Variants in INPP4B observed in about 807,000 individuals in gnomAD.
INPP4B encodes inositol polyphosphate-4-phosphatase type II B.
INPP4B carries 55 observed loss-of-function variants against 122.5 expected under a neutral mutation model. The observed-to-expected ratio is 0.45, with a 90% CI of 0.36 to 0.56. The LOEUF is 0.56. INPP4B is among the 20% of genes least tolerant of loss of function. The pLI, the probability that INPP4B is intolerant of heterozygous loss-of-function variation, is 0.00. For synonymous variants in INPP4B, 403 were observed against 388.7 expected (o/e 1.04, Z -0.43); for missense variants, 1,000 against 1,097.7 (o/e 0.91, Z 1.26).
intron 23 of INPP4B, among the ~76,000 whole-genome samples, chr4:142,091,388 C>T (rs952709691): frequency 2.6e-5 from 4 of 152,120 alleles, no homozygotes; most frequent in African/African-American, 4.8e-5. Context: ...TCCGGTCATG[C>T]GTCATTGACC....
intron 7 of INPP4B, among the ~76,000 whole-genome samples, chr4:142,335,963 C>T (rs6827918): frequency 0.24 from 35,810 of 151,992 alleles, 4,952 homozygotes; most frequent in East Asian, 0.45. Flanking sequence ...TGAGAACTTC[C>T]GTGGTGTCTC....
At chr4:142,542,200 C>A (rs910300586) in intron 2 of INPP4B, among the ~76,000 whole-genome samples, 1 of 152,164 alleles carries the variant, frequency 6.6e-6, no homozygotes. Flanking sequence ...CTCCTTACAT[C>A]TATTATTGGA....
At chr4:142,735,181 G>T (rs1188457418) in intron 1 of INPP4B, among the ~76,000 whole-genome samples, 1 of 151,968 alleles carries the variant, frequency 6.6e-6, no homozygotes, top group Non-Finnish European at 1.5e-5. Flanking sequence ...ATTTAGCATA[G>T]AATATATGTC....
intron 9 of INPP4B, among the ~76,000 whole-genome samples, chr4:142,287,897 G>A (rs903992076): frequency 1.1e-4 from 16 of 152,190 alleles, no homozygotes; most frequent in African/African-American, 3.9e-4. Context: ...CTGGAAGTCT[G>A]AGCTCAGCAG....
chr4:142,633,671 A>G (rs1416364074), intron 2 of INPP4B, among the ~76,000 whole-genome samples: 2 of 152,194 alleles, frequency 1.3e-5, no homozygotes, highest in Admixed American at 1.3e-4. Flanking sequence ...AGAGTAAAAT[A>G]AAATTTAGAA....
intron 2 of INPP4B, among the ~76,000 whole-genome samples, chr4:142,573,724 T>C (rs1421519588): frequency 6.6e-6 from 1 of 152,086 alleles, no homozygotes; most frequent in South Asian, 2.1e-4. Context: ...AAATCACACA[T>C]TGACCAAGTT....
chr4:142,792,583 C>G lies in INPP4B; in HGVS notation c.-254+53626G>C, dbSNP rs376176668. 1.9e-4 allele frequency among the ~76,000 whole-genome samples: 29 copies of G among 152,076 alleles called. No homozygotes were observed. The East Asian group carries it at 5.6e-3, about 29-fold the overall frequency. On this transcript the variant is annotated intron_variant, in intron 1 of 25. Coordinates refer to ENST00000262992, the MANE Select transcript of INPP4B (RefSeq NM_001101669.3). Reference sequence around the variant, plus strand: ...GAAACTGCTCTAAGGTGAGTCTAAACAGGGACACTAATAAGCCCATTACCA... The same window carrying G: ...GAAACTGCTCTAAGGTGAGTCTAAAGAGGGACACTAATAAGCCCATTACCA...
chr4:142,080,054 G>A (rs774762380), intron 25 of INPP4B, among the ~76,000 whole-genome samples: 4 of 151,830 alleles, frequency 2.6e-5, no homozygotes, highest in Non-Finnish European at 4.4e-5. Context: ...TTTAATCCCC[G>A]AGACACTCCT....
chr4:142,090,208 G>A (rs926474772), intron 23 of INPP4B, among the ~76,000 whole-genome samples: 188 of 152,230 alleles, frequency 1.2e-3, no homozygotes, highest in African/African-American at 4.2e-3. Flanking sequence ...CATAAAGAGA[G>A]TGTGTTAGAA....
chr4:142,423,770 AG>A, intron 5 of INPP4B: 1 of 428,168 alleles, frequency 2.3e-6, no homozygotes, highest in Non-Finnish European at 4.6e-6. Flanking sequence ...GAAAAAAAAC[AG>A]ACCTTCTACA....
chr4:142,607,921 G>A (rs552228342), intron 2 of INPP4B, among the ~76,000 whole-genome samples: 8 of 152,136 alleles, frequency 5.3e-5, no homozygotes, highest in South Asian at 4.2e-4. Context: ...GTTCTATGGG[G>A]CAAATGGCAA....
intron 14 of INPP4B, among the ~76,000 whole-genome samples, chr4:142,207,112 T>G (rs1182838721): frequency 6.6e-6 from 1 of 152,168 alleles, no homozygotes; most frequent in Non-Finnish European, 1.5e-5. Flanking sequence ...TTCATCCATG[T>G]TGTCTCAAAT....
At chr4:142,730,472 G>A (rs1765920863) in intron 1 of INPP4B, among the ~76,000 whole-genome samples, 3 of 152,216 alleles carry the variant, frequency 2.0e-5, no homozygotes, top group East Asian at 1.9e-4. Flanking sequence ...CAGCTGCCAC[G>A]TTGTTCTATC....
chr4:142,138,383 T>C (rs962205070), intron 18 of INPP4B, among the ~76,000 whole-genome samples: 3 of 99,414 alleles, frequency 3.0e-5, no homozygotes, highest in Non-Finnish European at 5.7e-5. Context: ...CTGGGGACTG[T>C]TGTGGGGTGG....
At chr4:142,655,763 G>A (rs1453342339) in intron 2 of INPP4B, among the ~76,000 whole-genome samples, 1 of 152,030 alleles carries the variant, frequency 6.6e-6, no homozygotes, top group Non-Finnish European at 1.5e-5. Context: ...TCCTTTTAAA[G>A]TCCATTTAAA....
intron 2 of INPP4B, among the ~76,000 whole-genome samples, chr4:142,667,586 T>C (rs7671783): frequency 0.82 from 125,521 of 152,156 alleles, 51,832 homozygotes; most frequent in East Asian, 0.85. Flanking sequence ...TCTCCATCTG[T>C]GAGCATATCT....
intron 9 of INPP4B, among the ~76,000 whole-genome samples, chr4:142,290,965 A>G (rs1756218560): frequency 6.6e-6 from 1 of 152,142 alleles, no homozygotes; most frequent in Non-Finnish European, 1.5e-5. Context: ...TTTTTTGAAC[A>G]TATTATTATT....
intron 21 of INPP4B, among the ~76,000 whole-genome samples, chr4:142,121,627 AC>A (rs1472796853): frequency 6.6e-6 from 1 of 151,858 alleles, no homozygotes; most frequent in Admixed American, 6.6e-5. Flanking sequence ...TTTATTGAAA[AC>A]CCTTCTCGGA....
At chr4:142,633,337 C>A (rs1560894977) in intron 2 of INPP4B, among the ~76,000 whole-genome samples, 1 of 151,708 alleles carries the variant, frequency 6.6e-6, no homozygotes, top group Non-Finnish European at 1.5e-5. Flanking sequence ...ACAAATAGAC[C>A]AAATAAATAA....
Sources: allele counts gnomAD v4.1 joint callset (sites outside exome capture counted in the v4.1 genomes callset), GRCh38; gene constraint gnomAD v4.1.1; transcripts MANE v1.5; gene names NCBI Gene and HGNC (gene_info 2026-07-23, HGNC 2026-07-21).